ANKS1B: variants seen among roughly 807,000 people sequenced by gnomAD.
ANKS1B encodes the protein ankyrin repeat and sterile alpha motif domain-containing protein 1B.
A neutral mutation model predicts 148.3 loss-of-function variants in ANKS1B; 36 were observed. The observed-to-expected ratio is 0.24, with a 90% CI of 0.19 to 0.32. The LOEUF (loss-of-function observed/expected upper bound fraction) is 0.32, where lower values mean the gene tolerates loss of function less well. ANKS1B is among the 10% of genes least tolerant of loss of function. The pLI is 1.00. For synonymous variants in ANKS1B, 542 were observed against 560.8 expected (o/e 0.97, Z 0.47); for missense variants, 1,157 against 1,542.6 (o/e 0.75, Z 4.19).
intron 9 of ANKS1B, among the ~76,000 whole-genome samples, chr12:99,578,447 T>C (rs2097539267): frequency 6.6e-6 from 1 of 152,080 alleles, no homozygotes; most frequent in African/African-American, 2.4e-5. Context: ...GATTCTACAC[T>C]TAGAAAACCC....
In ANKS1B at chr12:99,921,140, T is replaced by C. The variant is rs982978116; in HGVS notation, c.134+62964A>G. ...ATCCCCACCCAAATCTCATCTCAAA[T>C]TGTAATCCCCATGTGTCGAGGAAGG... On this transcript the variant is annotated intron_variant, in intron 1 of 26. Coordinates refer to ENST00000683438, the MANE Select transcript of ANKS1B (RefSeq NM_001352186.2). Among the ~76,000 whole-genome samples the C allele has an allele frequency of 8.9e-4, 135 of 152,128 alleles. 8 individuals are homozygous for C. Among genetic ancestry groups the C allele is most frequent in the Admixed American group, 1.3e-4 (2 of 15,258 alleles).
chr12:99,161,536 CA>C (rs1427769882), intron 14 of ANKS1B, among the ~76,000 whole-genome samples: 1 of 151,914 alleles, frequency 6.6e-6, no homozygotes, highest in Non-Finnish European at 1.5e-5. Context: ...CAAACCAAAA[CA>C]AAAAAATCCC....
intron 8 of ANKS1B, among the ~76,000 whole-genome samples, chr12:99,707,504 G>GA (rs2055993863): frequency 6.6e-6 from 1 of 151,914 alleles, no homozygotes; most frequent in African/African-American, 2.4e-5. Flanking sequence ...GAGTAGATGG[G>GA]AAAAATCAAG....
intron 17 of ANKS1B, among the ~76,000 whole-genome samples, chr12:99,006,339 C>A (rs544130358): frequency 2.6e-5 from 4 of 152,296 alleles, no homozygotes; most frequent in African/African-American, 9.6e-5. Context: ...CCAGCACTAG[C>A]AATAGGGACA....
chr12:99,874,161 A>G (rs1364561557), intron 1 of ANKS1B, among the ~76,000 whole-genome samples: 3 of 151,918 alleles, frequency 2.0e-5, no homozygotes, highest in Non-Finnish European at 4.4e-5. Context: ...TTATATCCAA[A>G]TAACTCTTAA....
intron 9 of ANKS1B, among the ~76,000 whole-genome samples, chr12:99,514,507 A>T (rs1175583177): frequency 2.0e-5 from 3 of 152,154 alleles, no homozygotes; most frequent in Non-Finnish European, 4.4e-5. Context: ...TGCCCAGATG[A>T]TTCTCATTTA....
At chr12:98,942,267 G>A (rs932697726) in intron 17 of ANKS1B, among the ~76,000 whole-genome samples, 1 of 151,402 alleles carries the variant, frequency 6.6e-6, no homozygotes, top group African/African-American at 2.4e-5. Flanking sequence ...GCGGGGGGAG[G>A]GGGAAGAAAA....
At chr12:99,566,400 CCTT>C (rs1181716433) in intron 9 of ANKS1B, among the ~76,000 whole-genome samples, 2 of 152,154 alleles carry the variant, frequency 1.3e-5, no homozygotes, top group Non-Finnish European at 2.9e-5. Flanking sequence ...GGATCCCTCT[CCTT>C]CTAATTTCCA....
chr12:99,353,403 G>A (rs1245477460), intron 12 of ANKS1B, among the ~76,000 whole-genome samples: 1 of 151,924 alleles, frequency 6.6e-6, no homozygotes, highest in East Asian at 1.9e-4. Flanking sequence ...TCATCATCTT[G>A]TAACATACTG....
intron 14 of ANKS1B, among the ~76,000 whole-genome samples, chr12:99,212,331 C>A (rs2083455079): frequency 6.7e-6 from 1 of 148,994 alleles, no homozygotes; most frequent in East Asian, 2.0e-4. Context: ...TTTTTTCGTA[C>A]TTTTCCATGC....
At chr12:99,417,753 A>C (rs566099315) in intron 11 of ANKS1B, among the ~76,000 whole-genome samples, 2 of 152,240 alleles carry the variant, frequency 1.3e-5, no homozygotes, top group South Asian at 2.1e-4. Flanking sequence ...AGACCTGTAC[A>C]TGTTAAAGAG....
chr12:99,353,962 G>A (rs974833401), intron 12 of ANKS1B, among the ~76,000 whole-genome samples: 1 of 151,966 alleles, frequency 6.6e-6, no homozygotes, highest in Admixed American at 6.6e-5. Flanking sequence ...TAGGATTATA[G>A]TCCAAAGAAA....
In ANKS1B at chr12:99,274,614, G is replaced by T. The variant is rs966286556; in HGVS notation, c.1757-27750C>A. Reference sequence around the variant, plus strand: ...GTCTTTCCCCAACATTCTTCATGAAGCACTTTCACTAACACTTTTTCAATG... The same window carrying T: ...GTCTTTCCCCAACATTCTTCATGAATCACTTTCACTAACACTTTTTCAATG... On this transcript the variant is annotated intron_variant, in intron 12 of 26. Coordinates refer to ENST00000683438, the MANE Select transcript of ANKS1B (RefSeq NM_001352186.2). Among the ~76,000 whole-genome samples, 5 of 152,078 alleles carry T rather than the reference G, an allele frequency of 3.3e-5. No homozygotes were observed. The East Asian group carries it at 9.6e-4, about 29-fold the overall frequency.
intron 17 of ANKS1B, among the ~76,000 whole-genome samples, chr12:98,910,865 A>G (rs77904820): frequency 0.017 from 2,583 of 152,296 alleles, 87 homozygotes; most frequent in East Asian, 0.12. Context: ...AGCAGTGCCA[A>G]TATATGATCT....
intron 9 of ANKS1B, among the ~76,000 whole-genome samples, chr12:99,602,434 G>A (rs893394477): frequency 6.6e-6 from 1 of 152,042 alleles, no homozygotes; most frequent in Admixed American, 6.6e-5. Context: ...AAAAACAAAA[G>A]AAAACAAAAG....
intron 1 of ANKS1B, among the ~76,000 whole-genome samples, chr12:99,894,294 AGGGAGGGAGGG>A: frequency 4.6e-5 from 1 of 21,938 alleles, no homozygotes; most frequent in Non-Finnish European, 9.4e-5. Flanking sequence ...GAAGGAAGGG[AGGGAGGGAGGG>A]AGGGAGGGAG....
At chr12:99,932,723 G>A (rs2094653640) in intron 1 of ANKS1B, among the ~76,000 whole-genome samples, 1 of 151,986 alleles carries the variant, frequency 6.6e-6, no homozygotes, top group South Asian at 2.1e-4. Context: ...TCATTCTGTG[G>A]ATTGTCTCTT....
At chr12:99,438,609 A>G (rs2095499052) in intron 11 of ANKS1B, among the ~76,000 whole-genome samples, 1 of 151,896 alleles carries the variant, frequency 6.6e-6, no homozygotes, top group African/African-American at 2.4e-5. Flanking sequence ...TCTACTGCTA[A>G]TTCTTTATCC....
chr12:99,609,640 T>C (rs938834496), intron 9 of ANKS1B, among the ~76,000 whole-genome samples: 9 of 152,032 alleles, frequency 5.9e-5, no homozygotes, highest in South Asian at 2.1e-4. Flanking sequence ...CCAACACTTG[T>C]GCTCTCTGGC....
Sources: allele counts gnomAD v4.1 joint callset (sites outside exome capture counted in the v4.1 genomes callset), GRCh38; gene constraint gnomAD v4.1.1; transcripts MANE v1.5; gene names NCBI Gene and HGNC (gene_info 2026-07-23, HGNC 2026-07-21).